Variants in MTHFD1 observed in about 807,000 individuals in gnomAD.
MTHFD1 encodes the protein C-1-tetrahydrofolate synthase, cytoplasmic.
In MTHFD1, 44 loss-of-function variants were observed where a neutral mutation model predicts 110.3. That is an observed-to-expected ratio of 0.40 (90% CI 0.31 to 0.51). The LOEUF is 0.51. Ranked by LOEUF, MTHFD1 falls within the 20% of genes least tolerant of loss-of-function variation. MTHFD1 has a pLI of 0.60. For missense variants in MTHFD1, 909 were observed against 1,173.1 expected (o/e 0.77, Z 3.29); for synonymous variants, 402 against 428.8 (o/e 0.94, Z 0.77).
At chr14:64,442,529 G>A (rs2078257248) in intron 21 of MTHFD1, 127 bp downstream of exon 21, 1 of 1,003,066 alleles carries the variant, frequency 1.0e-6, no homozygotes, top group Non-Finnish European at 1.5e-6. Context: ...GCAAAAGCAA[G>A]GGACGGGCAG....
chr14:64,449,473 A>G lies in MTHFD1; in HGVS notation c.2308A>G (p.Ile770Val). 1 of 1,613,850 alleles carries G rather than the reference A, an allele frequency of 6.2e-7. No individual in the cohort carries two copies. The highest frequency in any genetic ancestry group is 8.5e-7 in the Non-Finnish European group (1 of 1,180,038). The change falls in exon 24 of 28, where the codon ATC (isoleucine) becomes GTC (valine). Residue 770 changes from isoleucine to valine, a missense_variant. By Grantham distance (29) the Ile-to-Val change is conservative (BLOSUM62 3). Transcript: ENST00000652337. ...GGATACAGAGTCTGAGCTGGACCTCATCAGCCGCCTTTCCAGAGAACATGG... is the reference window on the plus strand; with the variant it reads ...GGATACAGAGTCTGAGCTGGACCTCGTCAGCCGCCTTTCCAGAGAACATGG... ...KTDTESELDLISRLSREHGAF... is the reference protein window; with the variant it reads ...KTDTESELDLVSRLSREHGAF...
chr14:64,410,225 T>A (rs1596536644), intron 2 of MTHFD1, among the ~76,000 whole-genome samples: 2 of 152,102 alleles, frequency 1.3e-5, no homozygotes, highest in African/African-American at 4.8e-5. Context: ...TCTCTCTCTT[T>A]TTTTTTTAAG....
At chr14:64,434,761 C>T (rs1300476399) in intron 15 of MTHFD1, among the ~76,000 whole-genome samples, 2 of 151,558 alleles carry the variant, frequency 1.3e-5, no homozygotes, top group African/African-American at 2.4e-5. Flanking sequence ...TATCCAGCAA[C>T]GGCAACTGCA....
At chr14:64,419,739 C>T in intron 7 of MTHFD1, 75 bp from the exon 8 acceptor site, 1 of 966,056 alleles carries the variant, frequency 1.0e-6, no homozygotes, top group Non-Finnish European at 1.7e-6. Context: ...TCAGGGATAT[C>T]CTTTTCATTT....
chr14:64,449,016 G>C (rs549902765), intron 23 of MTHFD1: 1 of 306,772 alleles, frequency 3.3e-6, no homozygotes, highest in Non-Finnish European at 6.4e-6. Context: ...AGCCAGGATG[G>C]TCTCGATCTC....
chr14:64,441,618 A>G (rs981385570), intron 19 of MTHFD1, 165 bp downstream of exon 19: 52 of 655,222 alleles, frequency 7.9e-5, no homozygotes, highest in Non-Finnish European at 1.2e-4. Context: ...CATCCTGGCT[A>G]ACATGGTGAA....
chr14:64,458,171 G>A (rs771139783), intron 26 of MTHFD1, 43 bp from the exon 27 acceptor site: 23 of 1,456,636 alleles, frequency 1.6e-5, no homozygotes, highest in Non-Finnish European at 2.2e-5. Flanking sequence ...GTGAGCCACT[G>A]TGCCCAGCAT....
intron 10 of MTHFD1, 82 bp from the exon 11 acceptor site, chr14:64,425,937 T>C: frequency 6.3e-7 from 1 of 1,584,778 alleles, no homozygotes; most frequent in Non-Finnish European, 8.7e-7. Flanking sequence ...GTGGTTGGGG[T>C]TGGGTTGGGG....
intron 1 of MTHFD1, among the ~76,000 whole-genome samples, chr14:64,389,441 C>T (rs907584371): frequency 6.6e-6 from 1 of 152,154 alleles, no homozygotes; most frequent in African/African-American, 2.4e-5. Context: ...GGCCCAGTGG[C>T]TCATGCCTGT....
chr14:64,395,505 G>A (rs569225297), intron 1 of MTHFD1, among the ~76,000 whole-genome samples: 230 of 152,270 alleles, frequency 1.5e-3, no homozygotes, highest in Middle Eastern at 3.4e-3. Context: ...GGACTCCGAA[G>A]GTTCTTTCCT....
rs1402134199 is a variant in MTHFD1 at position 64,417,467 on chromosome 14, G to A, written c.479-421G>A. The stretch of plus-strand genomic sequence containing the variant: ...CTTACCAAAGTTAGAAGGAATTACC[G>A]ATACTAATCTAATTTCTTACACATC... On this transcript the variant is annotated intron_variant, in intron 6 of 27. Transcript: ENST00000652337. The surrounding 1 kb of genome is among the most constrained non-coding windows in gnomAD (Gnocchi z 4.4). Among the ~76,000 whole-genome samples the A allele has an allele frequency of 6.6e-6, 1 of 152,198 alleles. No individual in the cohort carries two copies. The highest frequency in any genetic ancestry group is 1.5e-5 in the Non-Finnish European group (1 of 68,034).
At chr14:64,441,822 T>C in intron 19 of MTHFD1, 1 of 586,804 alleles carries the variant, frequency 1.7e-6, no homozygotes. Flanking sequence ...AAAAAAAAAT[T>C]AAGCACACTT....
chr14:64,400,674 G>T, intron 1 of MTHFD1, 119 bp from the exon 2 acceptor site: 1 of 734,358 alleles, frequency 1.4e-6, no homozygotes, highest in East Asian at 2.8e-5. Flanking sequence ...GGGTGACAGA[G>T]CGAGACCCTG....
At chr14:64,458,137 C>A in intron 26 of MTHFD1, 77 bp from the exon 27 acceptor site, 1 of 1,153,974 alleles carries the variant, frequency 8.7e-7, no homozygotes, top group Non-Finnish European at 1.3e-6. Context: ...GTGATCCTCT[C>A]CACCTCAGCC....
At position 64,441,193 on chromosome 14, in the gene MTHFD1, A is replaced by G. The variant is rs1198384687; in HGVS notation, c.1816-192A>G. 3 of 610,696 alleles carry G rather than the reference A, an allele frequency of 4.9e-6. No homozygotes were observed. The African/African-American group carries it at 5.5e-5, about 11-fold the overall frequency. 37.8% of individuals were successfully genotyped at this position (610,696 alleles called of 1,614,324 possible). ...GGCAACACAGCCAGACTCCGTCTCA[A>G]AAAATAAATAATTTAATAATTGGCA... is the stretch of plus-strand genomic sequence containing the variant. On this transcript the variant is annotated intron_variant, in intron 18 of 27. Transcript: ENST00000652337.
At chr14:64,391,971 G>A (rs887919876) in intron 1 of MTHFD1, among the ~76,000 whole-genome samples, 1 of 152,198 alleles carries the variant, frequency 6.6e-6, no homozygotes, top group African/African-American at 2.4e-5. Context: ...TTGTGAGCTG[G>A]TGGGAAGCAC....
At position 64,458,530 on chromosome 14, in the gene MTHFD1, T is replaced by C. The variant is rs1437906410; in HGVS notation, c.*4+223T>C. ...TTTTTGGAAGAAGCGCAGCATGGCT[T>C]GTCACAGGTTGACAGTGTAGGGGAG... On this transcript the variant is annotated intron_variant, in intron 27 of 27. Coordinates refer to ENST00000652337, the MANE Select transcript of MTHFD1 (RefSeq NM_005956.4). The C allele has an allele frequency of 7.1e-6, 4 of 560,960 alleles. No individual in the cohort carries two copies. In the African/African-American group the frequency reaches 7.5e-5, roughly 11 times the overall value. The allele number at this position is 560,960 out of a possible 1,614,324, so 34.7% of individuals were successfully genotyped here. A position where few individuals can be genotyped will look rare whatever the true frequency, so the allele number is the denominator to read the frequency against.
intron 4 of MTHFD1, 34 bp downstream of exon 4, chr14:64,412,559 G>A (rs2077992911): frequency 1.3e-6 from 2 of 1,554,670 alleles, no homozygotes; most frequent in African/African-American, 1.4e-5. Context: ...GAAGAGGGAA[G>A]GTGAAGTGGT....
At chr14:64,444,089 A>C (rs2078269940) in intron 21 of MTHFD1, among the ~76,000 whole-genome samples, 2 of 146,986 alleles carry the variant, frequency 1.4e-5, no homozygotes, top group Admixed American at 1.3e-4. Context: ...GGGCTGAGCC[A>C]CGGCATAGAT....
Sources: allele counts gnomAD v4.1 joint callset (sites outside exome capture counted in the v4.1 genomes callset), GRCh38; gene constraint gnomAD v4.1.1; non-coding constraint Gnocchi (gnomAD v3.1); transcripts MANE v1.5; gene names NCBI Gene and HGNC (gene_info 2026-07-23, HGNC 2026-07-21).